The following SLC35F4 variants were observed in gnomAD, a reference collection of about 807,000 sequenced individuals.
The protein encoded by SLC35F4 is chromosome 14 open reading frame 36.
A neutral mutation model predicts 44.2 loss-of-function variants in SLC35F4; 24 were observed. That is an observed-to-expected ratio of 0.54 (90% CI 0.39 to 0.76). The LOEUF is 0.76. Among genes scored for constraint, SLC35F4 ranks in the 30% least tolerant of loss-of-function variants. The probability of loss-of-function intolerance (pLI) is 0.00; values close to 1 mark genes in which losing one functional copy is unlikely to be tolerated. For missense variants in SLC35F4, 562 were observed against 586.1 expected, an observed-to-expected ratio of 0.96 and a Z score of 0.42; for synonymous variants, 238 against 223.6, an observed-to-expected ratio of 1.06 and a Z score of -0.57.
Position 57,737,098 on chromosome 14 carries a change from T to TTGTGTGTGTG in SLC35F4, c.103+128615_103+128624dup, listed in dbSNP as rs5808938. On this transcript the variant is annotated intron_variant, in intron 1 of 7. Transcript: ENST00000556826. ...CAGGAAAATGACATTCTTTCTATCT[T>TTGTGTGTGTG]TGTGTGTGTGTGTGTGTGTGTGTGT... is the stretch of plus-strand genomic sequence containing the variant. 1.5e-3 allele frequency among the ~76,000 whole-genome samples: 226 copies of TTGTGTGTGTG among 148,872 alleles called. 1 individual carries two copies. The highest frequency in any genetic ancestry group is 5.3e-3 in the African/African-American group (216 of 40,504).
chr14:57,847,750 G>A (rs1223446489), intron 1 of SLC35F4, among the ~76,000 whole-genome samples: 6 of 152,124 alleles, frequency 3.9e-5, no homozygotes, highest in Non-Finnish European at 8.8e-5. Flanking sequence ...TTTCCCCCAT[G>A]TTGTGACATC....
At chr14:57,772,344 T>G (rs553954939) in intron 1 of SLC35F4, among the ~76,000 whole-genome samples, 1 of 151,928 alleles carries the variant, frequency 6.6e-6, no homozygotes, top group Non-Finnish European at 1.5e-5. Flanking sequence ...GTATGCTAAA[T>G]AGCCTTCACT....
intron 1 of SLC35F4, among the ~76,000 whole-genome samples, chr14:57,715,986 G>T (rs952136684): frequency 6.6e-6 from 1 of 152,150 alleles, no homozygotes; most frequent in African/African-American, 2.4e-5. Context: ...ATATAAAAAT[G>T]TACTTTTAAA....
intron 1 of SLC35F4, among the ~76,000 whole-genome samples, chr14:57,797,208 C>T (rs1393887093): frequency 2.0e-5 from 3 of 152,172 alleles, no homozygotes; most frequent in South Asian, 2.1e-4. Context: ...TCCCATGTTC[C>T]ATCACCTCTG....
chr14:57,846,470 T>C (rs1222064695), intron 1 of SLC35F4, among the ~76,000 whole-genome samples: 1 of 152,230 alleles, frequency 6.6e-6, no homozygotes, highest in African/African-American at 2.4e-5. Flanking sequence ...CAGTCGTTTT[T>C]CCGAGATTCT....
At chr14:57,633,047 T>C (rs945813869) in intron 1 of SLC35F4, among the ~76,000 whole-genome samples, 1 of 152,184 alleles carries the variant, frequency 6.6e-6, no homozygotes, top group Non-Finnish European at 1.5e-5. Context: ...GTTTCCTCTA[T>C]GTCATTTCAT....
At chr14:57,935,169 G>C (rs1007526161) in intron 1 of SLC35F4, among the ~76,000 whole-genome samples, 2 of 152,172 alleles carry the variant, frequency 1.3e-5, no homozygotes, top group East Asian at 3.9e-4. Context: ...ACCTTCCCAT[G>C]ATTTTTCCCT....
At chr14:57,584,456 C>T (rs2069541513) in intron 3 of SLC35F4, among the ~76,000 whole-genome samples, 1 of 151,858 alleles carries the variant, frequency 6.6e-6, no homozygotes, top group Non-Finnish European at 1.5e-5. Context: ...GGAGTAACTT[C>T]TTGGCAGATG....
chr14:57,603,007 C>G (rs2070921451), intron 1 of SLC35F4, among the ~76,000 whole-genome samples: 1 of 152,198 alleles, frequency 6.6e-6, no homozygotes, highest in African/African-American at 2.4e-5. Flanking sequence ...GACCTAGAAT[C>G]TGTCTACTCA....
intron 1 of SLC35F4, among the ~76,000 whole-genome samples, chr14:57,733,809 A>G (rs2140481845): frequency 6.7e-6 from 1 of 148,956 alleles, no homozygotes; most frequent in African/African-American, 2.4e-5. Flanking sequence ...GAATGTGGAC[A>G]GCAAGCTCAA....
At chr14:57,633,658 C>T (rs2072892138) in intron 1 of SLC35F4, among the ~76,000 whole-genome samples, 1 of 152,066 alleles carries the variant, frequency 6.6e-6, no homozygotes, top group African/African-American at 2.4e-5. Context: ...TCATCACCCC[C>T]AAACTCTCTC....
At chr14:57,977,172 T>A (rs1368673968) in intron 1 of SLC35F4, among the ~76,000 whole-genome samples, 2 of 152,030 alleles carry the variant, frequency 1.3e-5, no homozygotes, top group African/African-American at 2.4e-5. Context: ...AAAGATATAG[T>A]GCTTAGGGGA....
intron 1 of SLC35F4, among the ~76,000 whole-genome samples, chr14:57,737,069 G>A (rs1257205952): frequency 2.0e-5 from 3 of 151,698 alleles, no homozygotes; most frequent in Admixed American, 6.6e-5. Context: ...TCTAGTAACA[G>A]ATACAGGAAA....
chr14:57,894,143 T>C lies in SLC35F4; in HGVS notation n.282+87770A>G, dbSNP rs796411422. On this transcript the variant is annotated intron_variant and non_coding_transcript_variant, in intron 1 of 1. Coordinates refer to the SLC35F4 transcript ENST00000556568. The stretch of plus-strand genomic sequence containing the variant: ...TAAACAAGCTCAAATAAATATAAAT[T>C]ATAAAAACCCTATGTTTAGCATTAG... 9.9e-5 allele frequency among the ~76,000 whole-genome samples: 15 copies of C among 152,206 alleles called. 1 individual carries two copies. The highest frequency in any genetic ancestry group is 3.6e-4 in the African/African-American group (15 of 41,558).
intron 1 of SLC35F4, among the ~76,000 whole-genome samples, chr14:57,899,174 TCTCA>T (rs906082786): frequency 1.3e-4 from 20 of 152,226 alleles, no homozygotes. Context: ...GTTATCCTTT[TCTCA>T]CTGTCTACCT....
chr14:57,646,934 G>A (rs540310305), intron 1 of SLC35F4, among the ~76,000 whole-genome samples: 2 of 152,206 alleles, frequency 1.3e-5, no homozygotes, highest in Non-Finnish European at 2.9e-5. Context: ...GAGCGGTTTT[G>A]AGTGAGTTTC....
At chr14:57,650,214 G>A (rs560468016) in intron 1 of SLC35F4, among the ~76,000 whole-genome samples, 3 of 152,018 alleles carry the variant, frequency 2.0e-5, no homozygotes, top group Non-Finnish European at 4.4e-5. Context: ...TTACCCATAG[G>A]CTGATCATTC....
At chr14:57,754,004 T>C (rs1217851573) in intron 1 of SLC35F4, among the ~76,000 whole-genome samples, 2 of 151,642 alleles carry the variant, frequency 1.3e-5, no homozygotes, top group Non-Finnish European at 2.9e-5. Flanking sequence ...TTCCCTTCCC[T>C]CTCAGGATTA....
chr14:57,799,374 C>T (rs2078131910), intron 1 of SLC35F4: 2 of 152,324 alleles, frequency 1.3e-5, no homozygotes, highest in South Asian at 4.1e-4. Context: ...CTCGGCAGAG[C>T]AGACACTCAA....
Sources: gnomAD v4.1 joint callset for allele counts (sites outside exome capture counted in the v4.1 genomes callset) on GRCh38, gnomAD v4.1.1 for gene constraint, MANE v1.5 for transcripts, NCBI Gene and HGNC (gene_info 2026-07-23, HGNC 2026-07-21) for gene names.